The following JPH2 variants were observed in gnomAD, a reference collection of about 807,000 sequenced individuals.
JPH2 encodes the protein junctophilin 2, also known as junctophilin-2.
A neutral mutation model predicts 55.9 loss-of-function variants in JPH2; 38 were observed. The ratio of observed to expected loss-of-function variants is 0.68; its 90% CI spans 0.52 to 0.89. The LOEUF (loss-of-function observed/expected upper bound fraction) is 0.89, where lower values mean the gene tolerates loss of function less well. Ranked by LOEUF, JPH2 falls within the 40% of genes least tolerant of loss-of-function variation. JPH2 has a pLI of 0.00. For missense variants in JPH2, 964 were observed against 1,037.6 expected, an observed-to-expected ratio of 0.93 and a Z score of 0.97; for synonymous variants, 480 against 472.4, an observed-to-expected ratio of 1.02 and a Z score of -0.21.
intron 2 of JPH2, among the ~76,000 whole-genome samples, chr20:44,158,472 C>G (rs763483165): frequency 2.0e-4 from 30 of 152,222 alleles, no homozygotes; most frequent in Non-Finnish European, 3.7e-4. Context: ...CTTAGCTCAT[C>G]TGCAAAACAG....
intron 1 of JPH2, among the ~76,000 whole-genome samples, chr20:44,178,981 G>A (rs1188571396): frequency 6.6e-6 from 1 of 152,134 alleles, no homozygotes; most frequent in Non-Finnish European, 1.5e-5. Flanking sequence ...AGAGTCAATT[G>A]GACTAAAATT....
intron 2 of JPH2, among the ~76,000 whole-genome samples, chr20:44,143,469 GA>G (rs2072473165): frequency 6.6e-6 from 1 of 152,200 alleles, no homozygotes; most frequent in African/African-American, 2.4e-5. Context: ...TGCCGCTTGG[GA>G]AACTCCCAGT....
At chr20:44,168,211 A>G (rs543777874) in intron 1 of JPH2, among the ~76,000 whole-genome samples, 1 of 152,256 alleles carries the variant, frequency 6.6e-6, no homozygotes, top group African/African-American at 2.4e-5. Flanking sequence ...AGAAAATGAG[A>G]CCAGCTCCAA....
intron 1 of JPH2, among the ~76,000 whole-genome samples, chr20:44,169,173 ATTTTTTT>A (rs59206814): frequency 1.4e-3 from 192 of 136,916 alleles, no homozygotes; most frequent in African/African-American, 2.5e-3. Context: ...GGCCTTGGGT[ATTTTTTT>A]TTTTTTTTTT....
chr20:44,157,881 T>C (rs2072577084), intron 2 of JPH2, among the ~76,000 whole-genome samples: 1 of 150,958 alleles, frequency 6.6e-6, no homozygotes, highest in African/African-American at 2.5e-5. Context: ...GCGATTGCCT[T>C]TTACCACCCT....
At position 44,109,028 on chromosome 20, in the gene JPH2, T is replaced by C. The variant is rs1188072868; in HGVS notation, c.*4490A>G. 6.6e-6 allele frequency among the ~76,000 whole-genome samples: 1 copy of C among 152,186 alleles called. No homozygotes were observed. The highest frequency in any genetic ancestry group is 1.9e-4 in the East Asian group (1 of 5,190). ...AATTCTGAATCATCACATCCACTAA[T>C]ATCCAATAGACAAATGTCCCCTGCC... On this transcript the variant is annotated 3_prime_UTR_variant, in exon 6 of 6. Transcript: ENST00000372980.
chr20:44,143,668 C>T (rs995014318), intron 2 of JPH2, among the ~76,000 whole-genome samples: 3 of 152,234 alleles, frequency 2.0e-5, no homozygotes, highest in Non-Finnish European at 2.9e-5. Context: ...GCATCACCTA[C>T]CAGTAAACTA....
At chr20:44,139,772 CAA>C (rs566565751) in intron 2 of JPH2, among the ~76,000 whole-genome samples, 72 of 152,234 alleles carry the variant, frequency 4.7e-4, no homozygotes, top group African/African-American at 1.7e-3. Context: ...AAACTACAAA[CAA>C]GAGTTGCCTA....
chr20:44,137,745 C>T (rs1441337289), intron 2 of JPH2, among the ~76,000 whole-genome samples: 1 of 152,170 alleles, frequency 6.6e-6, no homozygotes, highest in Admixed American at 6.5e-5. Flanking sequence ...GTTGCCTTAT[C>T]CCATCATAGC....
At chr20:44,149,465 G>C (rs923709777) in intron 2 of JPH2, among the ~76,000 whole-genome samples, 1 of 152,250 alleles carries the variant, frequency 6.6e-6, no homozygotes, top group Non-Finnish European at 1.5e-5. Context: ...ATGTGTGCAT[G>C]TGCATGTGTG....
chr20:44,126,062 G>A lies in JPH2; in HGVS notation c.1170-7439C>T, dbSNP rs562797321. Among the ~76,000 whole-genome samples, 537 of 149,776 alleles carry A rather than the reference G, an allele frequency of 3.6e-3. 4 individuals carry two copies. Among genetic ancestry groups the A allele is most frequent in the African/African-American group, 0.013 (511 of 40,700 alleles). On this transcript the variant is annotated intron_variant, in intron 2 of 5. Coordinates refer to ENST00000372980, the MANE Select transcript of JPH2 (RefSeq NM_020433.5). The stretch of plus-strand genomic sequence containing the variant: ...GATTGCTTGAGCCCAGGAGGTCAAG[G>A]CTGCAGTGAGCTATGATTATGCCAC...
rs1391039385 is a variant in JPH2 at position 44,160,153 on chromosome 20, C to T, written c.634G>A (p.Ala212Thr). The T allele has an allele frequency of 1.4e-6, 2 of 1,427,026 alleles. No individual in the cohort carries two copies. The highest frequency in any genetic ancestry group is 1.8e-6 in the Non-Finnish European group (2 of 1,099,482). The allele number at this position is 1,427,026 out of a possible 1,614,324, so 88.4% of individuals were successfully genotyped here. A position where few individuals can be genotyped will look rare whatever the true frequency, so the allele number is the denominator to read the frequency against. Residue 212 changes from alanine (A) to threonine (T), a missense_variant, in exon 2 of 6, where the codon GCG becomes ACG. Ala to Thr is a moderately conservative substitution (Grantham distance 58, BLOSUM62 0). Coordinates refer to ENST00000372980, the MANE Select transcript of JPH2 (RefSeq NM_020433.5). This position sits in a 1 kb window ranked among gnomAD's most constrained non-coding sequence, Gnocchi z 4.9. ...AGGCCGCCGCCCTTGGGCGCCCGCGCGGCCGCCTCGGCATTGGCCAGGAGG... is the reference window on the plus strand; with the variant it reads ...AGGCCGCCGCCCTTGGGCGCCCGCGTGGCCGCCTCGGCATTGGCCAGGAGG... ...LSLLANAEAA[A>T]RAPKGGGLFQ... is the part of the protein sequence containing the mutation.
Position 44,111,882 on chromosome 20 carries a change from C to A in JPH2, c.*1636G>T. 1 of 152,780 alleles carries A rather than the reference C, an allele frequency of 6.5e-6. No homozygotes were observed. The highest frequency in any genetic ancestry group is 1.5e-5 in the Non-Finnish European group (1 of 68,470). 9.5% of individuals were successfully genotyped at this position (152,780 alleles called of 1,614,324 possible). A position where few individuals can be genotyped will look rare whatever the true frequency, so the allele number is the denominator to read the frequency against. ...GAATCTCCGAGACGGAGCCCGTCAG[C>A]ACAGAGCAGTGGCCCCGCCCCATTC... On this transcript the variant is annotated 3_prime_UTR_variant, in exon 6 of 6. Transcript: ENST00000372980.
intron 2 of JPH2, among the ~76,000 whole-genome samples, chr20:44,121,211 C>T (rs1437502632): frequency 2.0e-5 from 3 of 152,004 alleles, no homozygotes; most frequent in Non-Finnish European, 2.9e-5. Context: ...AAGAGGTGGG[C>T]GGGTCAATGA....
Position 44,159,956 on chromosome 20 carries a change from T to G in JPH2, c.831A>C (p.Ala277=), listed in dbSNP as rs1378024703. 6.9e-6 allele frequency: 11 copies of G among 1,603,722 alleles called. No individual in the cohort carries two copies. The highest frequency in any genetic ancestry group is 8.5e-6 in the Non-Finnish European group (10 of 1,177,376). ...TGGCGTCGATATCGGCCTCGAAGGG[T>G]GCGGCCTCGTCGGCGCCCTCGGCGG... ...GEAAEGADEA[A]PFEADIDATT... Residue 277 remains alanine, a synonymous_variant, in exon 2 of 6, where the codon GCA becomes GCC. Transcript: ENST00000372980. This position sits in a 1 kb window ranked among gnomAD's most constrained non-coding sequence, Gnocchi z 5.7.
intron 1 of JPH2, among the ~76,000 whole-genome samples, chr20:44,167,077 A>G (rs1029288924): frequency 6.6e-6 from 1 of 152,166 alleles, no homozygotes; most frequent in African/African-American, 2.4e-5. Context: ...GCCAACTTCT[A>G]TTGACAGTTC....
rs1268292777 is a variant in JPH2 at position 44,112,773 on chromosome 20, A to AC, written c.*744dup. On this transcript the variant is annotated 3_prime_UTR_variant, in exon 6 of 6. Coordinates refer to ENST00000372980, the MANE Select transcript of JPH2 (RefSeq NM_020433.5). Reference sequence around the variant, plus strand: ...AACAGGCCATCATCACTGCACCTTAACCCCTCTTCCCACCCTGCCCCCTGG... The same window carrying AC: ...AACAGGCCATCATCACTGCACCTTAACCCCCTCTTCCCACCCTGCCCCCTGG... 1 of 133,266 alleles carries AC rather than the reference A, an allele frequency of 7.5e-6. No homozygotes were observed. The highest frequency in any genetic ancestry group is 3.1e-5 in the African/African-American group (1 of 32,780). 8.3% of individuals were successfully genotyped at this position (133,266 alleles called of 1,614,324 possible). A position where few individuals can be genotyped will look rare whatever the true frequency, so the allele number is the denominator to read the frequency against.
At chr20:44,121,706 A>G (rs1075173) in intron 2 of JPH2, among the ~76,000 whole-genome samples, 104,228 of 151,696 alleles carry the variant, frequency 0.69, 35,847 homozygotes, top group Admixed American at 0.74. Context: ...AAAGAACCCA[A>G]GCCAGCATGG....
chr20:44,165,867 CACCCTACTTACGATTCA>C (rs2145884561), intron 1 of JPH2, among the ~76,000 whole-genome samples: 1 of 152,314 alleles, frequency 6.6e-6, no homozygotes, highest in South Asian at 2.1e-4. Context: ...CACCCGTGGC[CACCCTACTTACGATTCA>C]ACCCGTGCCC....
Sources: gnomAD v4.1 joint callset for allele counts (sites outside exome capture counted in the v4.1 genomes callset) on GRCh38, gnomAD v4.1.1 for gene constraint, Gnocchi (gnomAD v3.1) non-coding constraint, MANE v1.5 for transcripts, NCBI Gene and HGNC (gene_info 2026-07-23, HGNC 2026-07-21) for gene names.